The following LYN variants were observed in gnomAD, a reference collection of about 807,000 sequenced individuals.
LYN encodes the protein LYN proto-oncogene, Src family tyrosine kinase.
A neutral mutation model predicts 65.0 loss-of-function variants in LYN; 12 were observed. That is an observed-to-expected ratio of 0.18 (90% CI 0.12 to 0.30). LYN has a LOEUF of 0.30. LYN is among the 10% of genes least tolerant of loss of function. The pLI, the probability that LYN is intolerant of heterozygous loss-of-function variation, is 1.00. For missense variants in LYN, 380 were observed against 623.2 expected, an observed-to-expected ratio of 0.61 and a Z score of 4.16; for synonymous variants, 222 against 221.2, an observed-to-expected ratio of 1.00 and a Z score of -0.03.
intron 11 of LYN, among the ~76,000 whole-genome samples, chr8:55,998,875 A>G (rs1400579793): frequency 6.6e-6 from 1 of 152,266 alleles, no homozygotes; most frequent in Non-Finnish European, 1.5e-5. Flanking sequence ...TATATTGTTT[A>G]TTCCAGCCTT....
chr8:55,942,393 G>GTA (rs1481235336), intron 2 of LYN, among the ~76,000 whole-genome samples: 2 of 134,274 alleles, frequency 1.5e-5, no homozygotes, highest in Non-Finnish European at 3.1e-5. Flanking sequence ...ATATATATAT[G>GTA]TGTATATATG....
chr8:55,912,191 A>G (rs1805656291), intron 1 of LYN, among the ~76,000 whole-genome samples: 1 of 152,244 alleles, frequency 6.6e-6, no homozygotes, highest in Non-Finnish European at 1.5e-5. Context: ...ATTTGACTAA[A>G]GAATATTTCA....
At chr8:55,964,854 A>T (rs867065580) in intron 8 of LYN, among the ~76,000 whole-genome samples, 7 of 152,382 alleles carry the variant, frequency 4.6e-5, no homozygotes, top group Middle Eastern at 3.4e-3. Context: ...GCAGGCTTCC[A>T]GTCATCTTTC....
rs992495411 is a variant in LYN, at chr8:55,947,798, G to C, written c.284+75G>C. Reference sequence around the variant, plus strand: ...GTCCTGCAGGCTGTCCCCTTGTCTTGCTTCTGGTGCTACAGCCATAGCCCG... The same window carrying C: ...GTCCTGCAGGCTGTCCCCTTGTCTTCCTTCTGGTGCTACAGCCATAGCCCG... On this transcript the variant is annotated intron_variant, in intron 4 of 12. Coordinates refer to ENST00000519728, the MANE Select transcript of LYN (RefSeq NM_002350.4). 7.0e-6 allele frequency: 7 copies of C among 998,682 alleles called. No homozygotes were observed. In the African/African-American group the frequency reaches 7.9e-5, roughly 11 times the overall value. 61.9% of individuals were successfully genotyped at this position (998,682 alleles called of 1,614,324 possible).
chr8:55,991,819 A>G (rs1052434555), intron 10 of LYN, among the ~76,000 whole-genome samples: 1 of 152,228 alleles, frequency 6.6e-6, no homozygotes, highest in Non-Finnish European at 1.5e-5. Context: ...TGAAAAACAC[A>G]GAAACAGCAC....
chr8:55,882,473 A>T (rs1163373229), intron 1 of LYN, among the ~76,000 whole-genome samples: 2 of 152,268 alleles, frequency 1.3e-5, no homozygotes, highest in Non-Finnish European at 2.9e-5. Flanking sequence ...GTACAAACCC[A>T]TACTAACTTT....
intron 8 of LYN, among the ~76,000 whole-genome samples, chr8:55,959,349 T>C (rs575677961): frequency 6.6e-6 from 1 of 152,260 alleles, no homozygotes; most frequent in Admixed American, 6.5e-5. Flanking sequence ...TTACTTGATT[T>C]ACTAATAACG....
chr8:55,975,827 G>A (rs1349767974), intron 10 of LYN, among the ~76,000 whole-genome samples: 2 of 150,260 alleles, frequency 1.3e-5, no homozygotes, highest in East Asian at 3.9e-4. Context: ...TAAGGTGGGG[G>A]TGGGGCTGTT....
chr8:56,011,765 G>A lies in LYN; in HGVS notation c.*1655G>A, dbSNP rs1015442401. ...CTTTCTAAAATATTCTAAAATTATT[G>A]ATTCACAAGTGCCATGTTCAGAACT... On this transcript the variant is annotated 3_prime_UTR_variant, in exon 13 of 13. Transcript: ENST00000519728. The A allele has an allele frequency of 2.2e-5, 4 of 184,646 alleles. No homozygotes were observed. The highest frequency in any genetic ancestry group is 9.4e-5 in the African/African-American group (4 of 42,556). 11.4% of individuals were successfully genotyped at this position (184,646 alleles called of 1,614,324 possible).
intron 1 of LYN, among the ~76,000 whole-genome samples, chr8:55,930,498 T>C: frequency 6.6e-6 from 1 of 152,226 alleles, no homozygotes; most frequent in Non-Finnish European, 1.5e-5. Context: ...TAATTCAGAC[T>C]CTGCTTTGAA....
chr8:55,986,747 C>G (rs1388459412), intron 10 of LYN, among the ~76,000 whole-genome samples: 2 of 152,188 alleles, frequency 1.3e-5, no homozygotes, highest in African/African-American at 4.8e-5. Context: ...ATTTTAGAGA[C>G]AGGATCTCTT....
intron 10 of LYN, among the ~76,000 whole-genome samples, chr8:55,970,989 G>A (rs543806414): frequency 6.6e-6 from 1 of 152,298 alleles, no homozygotes; most frequent in East Asian, 1.9e-4. Context: ...GCCTGCTGGT[G>A]GAAGCTGGGA....
chr8:55,951,979 G>A lies in LYN; in HGVS notation c.501G>A (p.Leu167=). The change falls in exon 7 of 13, where the codon CTG becomes CTA. Residue 167 remains leucine (L), a synonymous_variant. Transcript: ENST00000519728. ...ESETLKGSFS[L]SVRDFDPVHG... is the part of the protein sequence containing the mutation. The stretch of plus-strand genomic sequence containing the variant: ...TTCCCCCCATAGGAAGCTTCTCTCT[G>A]TCTGTCAGAGACTTTGACCCTGTGC... 6.2e-7 allele frequency: 1 copy of A among 1,610,096 alleles called. No homozygotes were observed.
Position 55,896,078 on chromosome 8 carries a change from G to A in LYN, c.-6+15975G>A, listed in dbSNP as rs545249356. Among the ~76,000 whole-genome samples, 15 of 151,878 alleles carry A rather than the reference G, an allele frequency of 9.9e-5. No individual in the cohort carries two copies. In the South Asian group the frequency reaches 2.3e-3, roughly 23 times the overall value. On this transcript the variant is annotated intron_variant, in intron 1 of 12. Coordinates refer to ENST00000519728, the MANE Select transcript of LYN (RefSeq NM_002350.4). ...TCTTTTATCATTAGCTCATCCTTAA[G>A]CATCTCGTTAGGGGTAAAGCAATTA... is the stretch of plus-strand genomic sequence containing the variant.
intron 1 of LYN, among the ~76,000 whole-genome samples, chr8:55,888,150 C>T (rs893634611): frequency 2.0e-5 from 3 of 152,158 alleles, no homozygotes; most frequent in African/African-American, 7.2e-5. Context: ...GCAAACTTTT[C>T]CTGGGTAGCT....
intron 1 of LYN, among the ~76,000 whole-genome samples, chr8:55,933,710 T>C (rs16922425): frequency 0.5 from 76,542 of 152,048 alleles, 19,712 homozygotes; most frequent in Middle Eastern, 0.58. Flanking sequence ...ATTATCCTCT[T>C]TGCACTCCCT....
chr8:55,939,958 G>T (rs1563520015), intron 1 of LYN, among the ~76,000 whole-genome samples: 1 of 152,298 alleles, frequency 6.6e-6, no homozygotes, highest in African/African-American at 2.4e-5. Flanking sequence ...TCAGAAAGAG[G>T]TGTGGCTGCT....
chr8:55,999,603 G>A (rs1808461777), intron 12 of LYN, 54 bp downstream of exon 12: 8 of 1,546,188 alleles, frequency 5.2e-6, no homozygotes, highest in Non-Finnish European at 6.2e-6. Context: ...AAAAAGTCAG[G>A]TTGCATGAAG....
intron 10 of LYN, among the ~76,000 whole-genome samples, chr8:55,976,060 T>C (rs1290771713): frequency 6.6e-6 from 1 of 152,056 alleles, no homozygotes; most frequent in Non-Finnish European, 1.5e-5. Context: ...TGCTATTCTC[T>C]TTGGGTACTC....
Sources: gnomAD v4.1 joint callset for allele counts (sites outside exome capture counted in the v4.1 genomes callset) on GRCh38, gnomAD v4.1.1 for gene constraint, MANE v1.5 for transcripts, NCBI Gene and HGNC (gene_info 2026-07-23, HGNC 2026-07-21) for gene names.